The following NDUFA5 variants were observed in gnomAD, a reference collection of about 807,000 sequenced individuals.
NDUFA5 encodes NADH:ubiquinone oxidoreductase subunit A5, also known as NADH dehydrogenase [ubiquinone] 1 alpha subcomplex subunit 5.
In NDUFA5, 11 loss-of-function variants were observed where a neutral mutation model predicts 19.8. The ratio of observed to expected loss-of-function variants is 0.56; its 90% CI spans 0.35 to 0.92. The LOEUF is 0.92. Among genes scored for constraint, NDUFA5 ranks in the 40% least tolerant of loss-of-function variants. The pLI is 0.01. For synonymous variants in NDUFA5, 47 were observed against 46.8 expected, an observed-to-expected ratio of 1.00 and a Z score of -0.01; for missense variants, 109 against 134.2, an observed-to-expected ratio of 0.81 and a Z score of 0.93.
At chr7:123,576,782 C>G in the NDUFA5 span, among the ~76,000 whole-genome samples, 1 of 152,172 alleles carries the variant, frequency 6.6e-6, no homozygotes, top group East Asian at 1.9e-4. Flanking sequence ...TGTGGCATGT[C>G]TAAGATCTGC....
intron 3 of NDUFA5, among the ~76,000 whole-genome samples, chr7:123,549,438 G>A (rs2116120483): frequency 1.3e-5 from 2 of 152,202 alleles, no homozygotes; most frequent in South Asian, 4.1e-4. Flanking sequence ...TTTTAAGATA[G>A]GAACAAGCTA....
intron 2 of NDUFA5, among the ~76,000 whole-genome samples, chr7:123,553,251 T>G (rs1002823069): frequency 1.3e-5 from 2 of 152,212 alleles, no homozygotes; most frequent in Non-Finnish European, 2.9e-5. Flanking sequence ...TTAATGAACT[T>G]ACAGTTCCAC....
the NDUFA5 span, among the ~76,000 whole-genome samples, chr7:123,568,299 G>C: frequency 6.6e-6 from 1 of 152,036 alleles, no homozygotes; most frequent in South Asian, 2.1e-4. Flanking sequence ...GATCGCCTGA[G>C]GTTGGGAGTT....
chr7:123,554,111 A>G (rs1432638276), intron 2 of NDUFA5, among the ~76,000 whole-genome samples: 1 of 152,214 alleles, frequency 6.6e-6, no homozygotes, highest in African/African-American at 2.4e-5. Flanking sequence ...TGAGCATTTG[A>G]TATGTGGCTA....
the NDUFA5 span, among the ~76,000 whole-genome samples, chr7:123,597,820 G>A: frequency 6.6e-6 from 1 of 151,862 alleles, no homozygotes; most frequent in African/African-American, 2.4e-5. Flanking sequence ...AACAGAGCAA[G>A]ACTTCATCTG....
At chr7:123,554,367 C>T (rs73718417) in intron 2 of NDUFA5, among the ~76,000 whole-genome samples, 1,629 of 152,168 alleles carry the variant, frequency 0.011, 29 homozygotes, top group African/African-American at 0.038. Context: ...TTTTTAATGG[C>T]CAGCACTTGG....
At chr7:123,578,332 T>G in the NDUFA5 span, among the ~76,000 whole-genome samples, 22 of 151,818 alleles carry the variant, frequency 1.4e-4, no homozygotes, top group Non-Finnish European at 2.2e-4. Flanking sequence ...ACCAGCAGTA[T>G]TCCTGTGACT....
chr7:123,585,619 C>T, the NDUFA5 span, among the ~76,000 whole-genome samples: 1 of 148,944 alleles, frequency 6.7e-6, no homozygotes, highest in South Asian at 2.1e-4. Context: ...TATCCATCAC[C>T]TTACATAGTT....
At chr7:123,547,292 T>C (rs936985676) in intron 3 of NDUFA5, among the ~76,000 whole-genome samples, 2 of 152,208 alleles carry the variant, frequency 1.3e-5, no homozygotes, top group African/African-American at 4.8e-5. Context: ...ATACATAGTG[T>C]AACATCCCCT....
Position 123,542,159 on chromosome 7 carries a change from A to T in NDUFA5, c.311T>A (p.Val104Glu), listed in dbSNP as rs1338217334. 6.2e-7 allele frequency: 1 copy of T among 1,611,910 alleles called. No individual in the cohort carries two copies. The highest frequency in any genetic ancestry group is 1.3e-5 in the African/African-American group (1 of 74,816). ...CCACTGATCGGCAGGAGGCTCTTCC[A>T]CTAATGGCTCCCATAGTTTCCATTC... Reference protein sequence around the residue: ...MREWKLWEPLVEEPPADQWKW... With the variant: ...MREWKLWEPLEEEPPADQWKW... The change falls in exon 5 of 5, where the codon GTG becomes GAG. Residue 104 changes from valine to glutamate, a missense_variant. Coordinates refer to ENST00000355749, the MANE Select transcript of NDUFA5 (RefSeq NM_005000.5).
the NDUFA5 span, among the ~76,000 whole-genome samples, chr7:123,585,421 T>G: frequency 6.6e-6 from 1 of 151,926 alleles, no homozygotes; most frequent in African/African-American, 2.4e-5. Flanking sequence ...GGAATGCATA[T>G]GCAATATTGC....
At chr7:123,553,986 C>G (rs1326679526) in intron 2 of NDUFA5, among the ~76,000 whole-genome samples, 1 of 152,174 alleles carries the variant, frequency 6.6e-6, no homozygotes, top group Non-Finnish European at 1.5e-5. Context: ...CAATTACATA[C>G]AGAATACATA....
upstream of NDUFA5, chr7:123,558,008 A>T: frequency 1.4e-6 from 1 of 736,600 alleles, no homozygotes; most frequent in Non-Finnish European, 2.2e-6. Context: ...CTAAGCTAGA[A>T]GACGATTGGG....
the NDUFA5 span, among the ~76,000 whole-genome samples, chr7:123,598,615 T>C: frequency 6.6e-6 from 1 of 152,192 alleles, no homozygotes; most frequent in East Asian, 1.9e-4. Flanking sequence ...TTTGAACAAG[T>C]CATCAGTGTT....
intron 1 of NDUFA5, 104 bp downstream of exon 1, chr7:123,557,671 G>A: frequency 6.2e-7 from 1 of 1,613,932 alleles, no homozygotes; most frequent in Non-Finnish European, 8.5e-7. Flanking sequence ...GAAAAGCACC[G>A]CCGAGCCCGC....
intron 3 of NDUFA5, 154 bp from the exon 4 acceptor site, chr7:123,545,830 A>G (rs981235390): frequency 3.6e-6 from 2 of 559,102 alleles, no homozygotes. Flanking sequence ...AATTCATTTC[A>G]CCTCTGCTAT....
intron 3 of NDUFA5, chr7:123,546,575 A>G (rs1464355618): frequency 1.1e-6 from 1 of 905,224 alleles, no homozygotes; most frequent in Non-Finnish European, 1.5e-6. Flanking sequence ...CTCTGTAAAT[A>G]TACCCACATA....
the NDUFA5 span, among the ~76,000 whole-genome samples, chr7:123,567,429 C>T: frequency 6.6e-6 from 1 of 152,138 alleles, no homozygotes; most frequent in Non-Finnish European, 1.5e-5. Flanking sequence ...ACAAAATTTG[C>T]TTTGTGATGC....
chr7:123,543,063 C>A (rs1486289584), intron 4 of NDUFA5, among the ~76,000 whole-genome samples: 2 of 151,994 alleles, frequency 1.3e-5, no homozygotes, highest in Non-Finnish European at 2.9e-5. Flanking sequence ...AAAGATAATA[C>A]CCCATCTATG....
Sources: gnomAD v4.1 joint callset for allele counts (sites outside exome capture counted in the v4.1 genomes callset) on GRCh38, gnomAD v4.1.1 for gene constraint, MANE v1.5 for transcripts, NCBI Gene and HGNC (gene_info 2026-07-23, HGNC 2026-07-21) for gene names.